The following EPHB1 variants were observed in gnomAD, a reference collection of about 807,000 sequenced individuals.
The protein encoded by EPHB1 is ephrin type-B receptor 1.
In EPHB1, 30 loss-of-function variants were observed where a neutral mutation model predicts 94.4. That is an observed-to-expected ratio of 0.32 (90% CI 0.24 to 0.43). The LOEUF (loss-of-function observed/expected upper bound fraction) is 0.43, where lower values mean the gene tolerates loss of function less well. Ranked by LOEUF, EPHB1 falls within the 20% of genes least tolerant of loss-of-function variation. EPHB1 has a pLI of 1.00. For missense variants in EPHB1, 1,055 were observed against 1,308.3 expected (o/e 0.81, Z 2.99); for synonymous variants, 522 against 489.1 (o/e 1.07, Z -0.89).
At chr3:135,184,453 G>T (rs1265981966) in intron 10 of EPHB1, among the ~76,000 whole-genome samples, 1 of 152,194 alleles carries the variant, frequency 6.6e-6, no homozygotes, top group African/African-American at 2.4e-5. Flanking sequence ...GTAATTATTT[G>T]TTTAATGTTC....
At chr3:135,137,735 A>G (rs1324885877) in intron 5 of EPHB1, among the ~76,000 whole-genome samples, 1 of 152,210 alleles carries the variant, frequency 6.6e-6, no homozygotes, top group Non-Finnish European at 1.5e-5. Context: ...ATCACTCTGT[A>G]AACTATGCTA....
At chr3:134,808,859 A>G (rs537670653) in intron 1 of EPHB1, among the ~76,000 whole-genome samples, 132 of 152,388 alleles carry the variant, frequency 8.7e-4, no homozygotes, top group African/African-American at 3.0e-3. Flanking sequence ...CATCTCAACT[A>G]GACTGAAAGA....
chr3:135,214,225 C>T (rs762196360), intron 12 of EPHB1, among the ~76,000 whole-genome samples: 1 of 152,174 alleles, frequency 6.6e-6, no homozygotes, highest in Admixed American at 6.5e-5. Flanking sequence ...GCCATTTGCC[C>T]CCTGTGCTCT....
intron 5 of EPHB1, among the ~76,000 whole-genome samples, chr3:135,137,850 CTTTG>C (rs1940675894): frequency 6.6e-6 from 1 of 152,132 alleles, no homozygotes. Flanking sequence ...TTCACAGTTT[CTTTG>C]TTTGGGACTG....
chr3:135,205,833 A>G (rs910952302), intron 12 of EPHB1, among the ~76,000 whole-genome samples: 2 of 152,206 alleles, frequency 1.3e-5, no homozygotes. Flanking sequence ...TAGCCATTTT[A>G]GCATACATGT....
At chr3:134,931,925 GTA>G (rs1184928377) in intron 2 of EPHB1, among the ~76,000 whole-genome samples, 3 of 151,996 alleles carry the variant, frequency 2.0e-5, no homozygotes, top group Non-Finnish European at 4.4e-5. Flanking sequence ...GTATATGTGT[GTA>G]TATGTGTATC....
chr3:135,026,724 A>G (rs74951616), intron 3 of EPHB1, among the ~76,000 whole-genome samples: 29,707 of 124,792 alleles, frequency 0.24, 4,670 homozygotes, highest in East Asian at 0.69. Flanking sequence ...TATGAACTTT[A>G]AAGTAGTTTT....
intron 3 of EPHB1, among the ~76,000 whole-genome samples, chr3:134,991,759 T>C (rs1388652317): frequency 6.6e-6 from 1 of 152,144 alleles, no homozygotes; most frequent in African/African-American, 2.4e-5. Flanking sequence ...TCTGCCTGGA[T>C]TGCACCTCCC....
chr3:135,160,904 C>T (rs966927751), intron 6 of EPHB1, among the ~76,000 whole-genome samples: 2 of 152,250 alleles, frequency 1.3e-5, no homozygotes, highest in Middle Eastern at 3.4e-3. Context: ...AAGCAAATGT[C>T]TGCTGGCAAA....
At chr3:135,226,003 G>A (rs1184815597) in intron 12 of EPHB1, among the ~76,000 whole-genome samples, 2 of 152,212 alleles carry the variant, frequency 1.3e-5, no homozygotes, top group Non-Finnish European at 2.9e-5. Context: ...TTAGTCAGTG[G>A]GGAAAGAACA....
chr3:134,878,873 AC>A (rs1042378411), intron 1 of EPHB1, among the ~76,000 whole-genome samples: 1 of 152,206 alleles, frequency 6.6e-6, no homozygotes, highest in Non-Finnish European at 1.5e-5. Context: ...ATAGAGGACA[AC>A]TTTTGATGAA....
intron 3 of EPHB1, among the ~76,000 whole-genome samples, chr3:135,066,103 T>A (rs1470057693): frequency 6.6e-6 from 1 of 152,198 alleles, no homozygotes; most frequent in Non-Finnish European, 1.5e-5. Context: ...ATAGCTTACC[T>A]GGTGCTTTTG....
At chr3:134,987,146 TAAC>T (rs1168892844) in intron 3 of EPHB1, among the ~76,000 whole-genome samples, 1 of 152,066 alleles carries the variant, frequency 6.6e-6, no homozygotes, top group African/African-American at 2.4e-5. Flanking sequence ...GTAATAACAG[TAAC>T]AACAACAACA....
intron 11 of EPHB1, among the ~76,000 whole-genome samples, chr3:135,195,400 T>C (rs1461008017): frequency 2.6e-5 from 4 of 151,958 alleles, no homozygotes; most frequent in Non-Finnish European, 4.4e-5. Context: ...TAGATACATA[T>C]GTATACATGT....
chr3:135,040,367 G>T (rs962185185), intron 3 of EPHB1, among the ~76,000 whole-genome samples: 7 of 152,234 alleles, frequency 4.6e-5, no homozygotes, highest in Admixed American at 2.6e-4. Context: ...TCAGGCAGGG[G>T]TGTCTTAGGA....
At chr3:134,799,613 T>C (rs1256094898) in intron 1 of EPHB1, among the ~76,000 whole-genome samples, 1 of 152,112 alleles carries the variant, frequency 6.6e-6, no homozygotes, top group East Asian at 1.9e-4. Flanking sequence ...TCAAACCTTC[T>C]GGGTTAGTAG....
chr3:135,248,967 C>G (rs558159995), intron 14 of EPHB1, among the ~76,000 whole-genome samples: 1 of 152,006 alleles, frequency 6.6e-6, no homozygotes, highest in East Asian at 1.9e-4. Flanking sequence ...ACCAATATAT[C>G]TGGGGAGGTT....
At chr3:134,901,826 C>G (rs1213762770) in intron 1 of EPHB1, among the ~76,000 whole-genome samples, 1 of 152,224 alleles carries the variant, frequency 6.6e-6, no homozygotes, top group Non-Finnish European at 1.5e-5. Flanking sequence ...ACTACTCCCT[C>G]AGCCTCTGTA....
At chr3:135,093,916 T>C (rs920934058) in intron 3 of EPHB1, among the ~76,000 whole-genome samples, 1 of 152,222 alleles carries the variant, frequency 6.6e-6, no homozygotes, top group Admixed American at 6.5e-5. Flanking sequence ...GTTTTCACCA[T>C]CTTTCTTGAT....
Sources: gnomAD v4.1 joint callset for allele counts (sites outside exome capture counted in the v4.1 genomes callset) on GRCh38, gnomAD v4.1.1 for gene constraint, MANE v1.5 for transcripts, NCBI Gene and HGNC (gene_info 2026-07-23, HGNC 2026-07-21) for gene names.